The following DNAJC6 variants were observed in gnomAD, a reference collection of about 807,000 sequenced individuals.
The protein encoded by DNAJC6 is auxilin.
DNAJC6 carries 34 observed loss-of-function variants against 110.0 expected under a neutral mutation model. The observed-to-expected ratio is 0.31, with a 90% CI of 0.24 to 0.41. The LOEUF (loss-of-function observed/expected upper bound fraction) is 0.41. Ranked by LOEUF, DNAJC6 falls within the 10% of genes least tolerant of loss-of-function variation. The probability of loss-of-function intolerance (pLI) is 1.00; values close to 1 mark genes in which losing one functional copy is unlikely to be tolerated. For synonymous variants in DNAJC6, 406 were observed against 437.2 expected, an observed-to-expected ratio of 0.93 and a Z score of 0.89; for missense variants, 1,031 against 1,207.8, an observed-to-expected ratio of 0.85 and a Z score of 2.17.
Position 65,389,416 on chromosome 1 carries a change from C to T in DNAJC6, c.1354C>T (p.His452Tyr), listed in dbSNP as rs752416727. 6.2e-7 allele frequency: 1 copy of T among 1,614,082 alleles called. No individual in the cohort carries two copies. Among genetic ancestry groups the T allele is most frequent in the East Asian group, 2.2e-5 (1 of 44,870 alleles). Reference protein sequence around the residue: ...DVNPSILFSSHQEHQDTLALG... With the variant: ...DVNPSILFSSYQEHQDTLALG... ...CAATCCCAGCATCCTCTTCTCTTCT[C>T]ACCAGGAACATCAAGATACGCTGGC... The change falls in exon 10 of 19, where the codon CAC (histidine) becomes TAC (tyrosine). Residue 452 changes from histidine (H) to tyrosine (Y), a missense_variant. His to Tyr is a moderately conservative substitution (Grantham distance 83). Coordinates refer to ENST00000371069, the MANE Select transcript of DNAJC6 (RefSeq NM_001256864.2).
chr1:65,380,292 G>A (rs920432105), intron 5 of DNAJC6, among the ~76,000 whole-genome samples: 3 of 152,156 alleles, frequency 2.0e-5, no homozygotes, highest in African/African-American at 7.2e-5. Flanking sequence ...AATGGAATCT[G>A]AGCATTAATG....
At chr1:65,324,658 C>T (rs572796835) in intron 1 of DNAJC6, among the ~76,000 whole-genome samples, 1 of 152,318 alleles carries the variant, frequency 6.6e-6, no homozygotes, top group East Asian at 1.9e-4. Flanking sequence ...TGCACCCAGC[C>T]TCTTTTTCTT....
intron 6 of DNAJC6, among the ~76,000 whole-genome samples, chr1:65,385,251 G>A (rs1384400561): frequency 6.6e-6 from 1 of 152,028 alleles, no homozygotes; most frequent in South Asian, 2.1e-4. Context: ...TCTGAAAAAT[G>A]GAATAAAAAA....
At chr1:65,307,012 CTCTCTCTATATATA>C (rs1446787658), upstream of DNAJC6, among the ~76,000 whole-genome samples, 39 of 80,024 alleles carry the variant, frequency 4.9e-4, no homozygotes, top group Non-Finnish European at 7.0e-4. Context: ...CTCTCTCTCT[CTCTCTCTATATATA>C]TATATATATA....
intron 1 of DNAJC6, among the ~76,000 whole-genome samples, chr1:65,329,183 T>C (rs866555902): frequency 9.3e-4 from 142 of 152,366 alleles, no homozygotes; most frequent in African/African-American, 3.4e-3. Flanking sequence ...ACAGCACTTA[T>C]GTGGCAAGCC....
chr1:65,411,579 T>C (rs1190948877), intron 18 of DNAJC6, among the ~76,000 whole-genome samples, 153 bp downstream of exon 18: 1 of 152,214 alleles, frequency 6.6e-6, no homozygotes, highest in African/African-American at 2.4e-5. Context: ...CAAATAGTTA[T>C]ACTTTATGAA....
intron 4 of DNAJC6, among the ~76,000 whole-genome samples, chr1:65,373,441 C>T (rs1170603070): frequency 1.3e-5 from 2 of 152,136 alleles, no homozygotes; most frequent in South Asian, 4.1e-4. Flanking sequence ...TCACCAGCAT[C>T]TGGTATTACC....
chr1:65,274,818 C>A (rs1382968621), intron 1 of DNAJC6, among the ~76,000 whole-genome samples: 1 of 151,978 alleles, frequency 6.6e-6, no homozygotes, highest in African/African-American at 2.4e-5. Flanking sequence ...TTTTATATAC[C>A]ACTTTCTTTT....
intron 5 of DNAJC6, among the ~76,000 whole-genome samples, chr1:65,380,223 C>CT: frequency 6.6e-6 from 1 of 152,260 alleles, no homozygotes; most frequent in East Asian, 1.9e-4. Flanking sequence ...AGAACCATGC[C>CT]TTTTTTTAAA....
At chr1:65,402,326 T>C (rs1189698954) in intron 15 of DNAJC6, among the ~76,000 whole-genome samples, 3 of 152,254 alleles carry the variant, frequency 2.0e-5, no homozygotes. Context: ...ACTGTGGTGC[T>C]CTCCGGTCAA....
At chr1:65,323,808 C>G (rs916424053) in intron 1 of DNAJC6, among the ~76,000 whole-genome samples, 2 of 152,044 alleles carry the variant, frequency 1.3e-5, no homozygotes, top group Admixed American at 1.3e-4. Context: ...CCAGGTTGGT[C>G]TCAACCTCCT....
rs1312055301 is a variant in DNAJC6 at position 65,380,911 on chromosome 1, G to GTTTTTTTTTTTT, written c.666+1391_666+1392insTTTTTTTTTTTT. Among the ~76,000 whole-genome samples, 22 of 114,896 alleles carry GTTTTTTTTTTTT rather than the reference G, an allele frequency of 1.9e-4. 3 individuals carry two copies. Among genetic ancestry groups the GTTTTTTTTTTTT allele is most frequent in the African/African-American group, 8.6e-4 (20 of 23,296 alleles). 75.4% of individuals were successfully genotyped at this position (114,896 alleles called of 152,430 possible). ...GGGAGTTTTTTTTTTTTTGTTTTTT[G>GTTTTTTTTTTTT]TTTTGTTTTGTTTTTTTTTTTTTTT... On this transcript the variant is annotated intron_variant, in intron 5 of 18. Transcript: ENST00000371069.
At chr1:65,306,835 T>TAAA (rs1645043380), upstream of DNAJC6, among the ~76,000 whole-genome samples, 1 of 151,906 alleles carries the variant, frequency 6.6e-6, no homozygotes, top group South Asian at 2.1e-4. Context: ...CTGGAAAAAA[T>TAAA]AATATTTAGC....
chr1:65,339,901 C>G (rs973788860), intron 1 of DNAJC6, among the ~76,000 whole-genome samples: 1 of 152,200 alleles, frequency 6.6e-6, no homozygotes, highest in Non-Finnish European at 1.5e-5. Flanking sequence ...CCATTAGTGG[C>G]AGCCAAATAC....
chr1:65,268,166 GA>G (rs1373952628), intron 1 of DNAJC6, among the ~76,000 whole-genome samples: 1 of 152,182 alleles, frequency 6.6e-6, no homozygotes, highest in East Asian at 1.9e-4. Flanking sequence ...TTCAGAAAGT[GA>G]ATTTTTGTAA....
At chr1:65,371,558 A>G (rs1295764635) in intron 4 of DNAJC6, among the ~76,000 whole-genome samples, 3 of 152,202 alleles carry the variant, frequency 2.0e-5, no homozygotes, top group Non-Finnish European at 4.4e-5. Flanking sequence ...TGATTCATAA[A>G]ACACTAGATG....
chr1:65,311,674 A>G (rs1170882208), intron 1 of DNAJC6, among the ~76,000 whole-genome samples: 2 of 152,222 alleles, frequency 1.3e-5, no homozygotes, highest in Non-Finnish European at 2.9e-5. Flanking sequence ...CACCATAATA[A>G]TGTTTACATG....
intron 1 of DNAJC6, among the ~76,000 whole-genome samples, chr1:65,346,185 C>T (rs1434362109): frequency 3.3e-5 from 5 of 152,170 alleles, no homozygotes; most frequent in African/African-American, 9.7e-5. Context: ...TAGAGACTAC[C>T]TATTGGAAGT....
At chr1:65,278,796 A>G (rs1016659805) in intron 1 of DNAJC6, among the ~76,000 whole-genome samples, 2 of 152,170 alleles carry the variant, frequency 1.3e-5, no homozygotes, top group Admixed American at 6.5e-5. Context: ...TCTCATAACC[A>G]GGACTTGTAC....
Sources: allele counts gnomAD v4.1 joint callset (sites outside exome capture counted in the v4.1 genomes callset), GRCh38; gene constraint gnomAD v4.1.1; transcripts MANE v1.5; gene names NCBI Gene and HGNC (gene_info 2026-07-23, HGNC 2026-07-21).